The following B3GLCT variants were observed in gnomAD, a reference collection of about 807,000 sequenced individuals.
The protein encoded by B3GLCT is beta 3-glucosyltransferase.
A neutral mutation model predicts 63.4 loss-of-function variants in B3GLCT; 65 were observed. That is an observed-to-expected ratio of 1.03 (90% CI 0.84 to 1.26). B3GLCT has a LOEUF of 1.26. Ranked by LOEUF, B3GLCT falls within the 50% of genes most tolerant of loss-of-function variation. The probability of loss-of-function intolerance (pLI) is 0.00; values close to 1 mark genes in which losing one functional copy is unlikely to be tolerated. For synonymous variants in B3GLCT, 233 were observed against 219.2 expected (o/e 1.06, Z -0.55); for missense variants, 577 against 604.8 (o/e 0.95, Z 0.48).
chr13:31,227,490 C>T (rs1236393841), intron 3 of B3GLCT, among the ~76,000 whole-genome samples: 1 of 152,152 alleles, frequency 6.6e-6, no homozygotes, highest in Non-Finnish European at 1.5e-5. Context: ...AAGTCTTACC[C>T]ATGTGTCCAA....
intron 3 of B3GLCT, among the ~76,000 whole-genome samples, chr13:31,224,178 A>C (rs1869975089): frequency 6.6e-6 from 1 of 152,130 alleles, no homozygotes; most frequent in East Asian, 1.9e-4. Context: ...GCTGTATTTA[A>C]GGAACCACGT....
chr13:31,274,659 A>G (rs1566075773), intron 9 of B3GLCT, 31 bp downstream of exon 9: 2 of 1,613,274 alleles, frequency 1.2e-6, no homozygotes, highest in East Asian at 2.2e-5. Flanking sequence ...TTCTTTGCAT[A>G]TCAAAGGAAA....
At chr13:31,213,121 C>T (rs1023891537) in intron 1 of B3GLCT, among the ~76,000 whole-genome samples, 1 of 151,914 alleles carries the variant, frequency 6.6e-6, no homozygotes, top group African/African-American at 2.4e-5. Flanking sequence ...GGGCACTAAA[C>T]GTCTTTGTTC....
Position 31,269,245 on chromosome 13 carries a change from A to C in B3GLCT, c.628A>C (p.Lys210Gln). 1 of 1,610,616 alleles carries C rather than the reference A, an allele frequency of 6.2e-7. No individual in the cohort carries two copies. Among genetic ancestry groups the C allele is most frequent in the South Asian group, 1.1e-5 (1 of 90,980 alleles). ...CAAGAGACTAAAGAGTGAATCCTTG[A>C]AATCCGACTTTACAATAGATTTAAA... ...LTKRLKSESL[K>Q]SDFTIDLKHE... The change falls in exon 8 of 15, where the codon AAA (lysine) becomes CAA (glutamine). Residue 210 changes from lysine to glutamine, a missense_variant. By Grantham distance (53) the Lys-to-Gln change is moderately conservative. Transcript: ENST00000343307.
At chr13:31,275,723 C>T (rs561322356) in intron 9 of B3GLCT, among the ~76,000 whole-genome samples, 3 of 152,178 alleles carry the variant, frequency 2.0e-5, no homozygotes, top group Non-Finnish European at 2.9e-5. Flanking sequence ...CAGATATTGT[C>T]GTTATTCTCA....
chr13:31,308,347 T>TTAAA (rs1450252463), intron 12 of B3GLCT, among the ~76,000 whole-genome samples: 6 of 23,688 alleles, frequency 2.5e-4, no homozygotes, highest in East Asian at 1.5e-3. Flanking sequence ...AAAAAAAAAT[T>TTAAA]AAAAAAAAAA....
chr13:31,239,356 CTATT>C (rs1244414212), intron 4 of B3GLCT, among the ~76,000 whole-genome samples: 5 of 152,048 alleles, frequency 3.3e-5, no homozygotes, highest in African/African-American at 9.7e-5. Context: ...TCGAGACTGA[CTATT>C]TAAAGAGGTA....
intron 5 of B3GLCT, 49 bp downstream of exon 5, chr13:31,247,148 A>T: frequency 7.2e-7 from 1 of 1,384,602 alleles, no homozygotes; most frequent in Non-Finnish European, 1.0e-6. Context: ...CTACCTGAAC[A>T]CTTTTACGCC....
In B3GLCT at chr13:31,321,486, G is replaced by A. The variant is rs547891432; in HGVS notation, c.1185-2265G>A. 5.3e-5 allele frequency among the ~76,000 whole-genome samples: 8 copies of A among 152,332 alleles called. No homozygotes were observed. The East Asian group carries it at 1.5e-3, about 29-fold the overall frequency. ...TGGAAAATATCAGAGTGCATTCCAT[G>A]TCATAAGGGTAAGTATTGTTTGTGA... On this transcript the variant is annotated intron_variant, in intron 13 of 14. Coordinates refer to ENST00000343307, the MANE Select transcript of B3GLCT (RefSeq NM_194318.4).
At chr13:31,256,516 C>G (rs1871748477) in intron 6 of B3GLCT, among the ~76,000 whole-genome samples, 2 of 152,122 alleles carry the variant, frequency 1.3e-5, no homozygotes, top group African/African-American at 2.4e-5. Flanking sequence ...AGACTTGGAA[C>G]CAATCCAAAT....
intron 13 of B3GLCT, among the ~76,000 whole-genome samples, chr13:31,319,206 G>A (rs779841893): frequency 5.3e-5 from 8 of 152,142 alleles, no homozygotes; most frequent in Non-Finnish European, 8.8e-5. Flanking sequence ...AGACCACCAA[G>A]GTGGCACCTT....
intron 12 of B3GLCT, among the ~76,000 whole-genome samples, chr13:31,295,381 C>T (rs1873882276): frequency 6.6e-6 from 1 of 152,162 alleles, no homozygotes; most frequent in Non-Finnish European, 1.5e-5. Context: ...AGCCGGCAGG[C>T]ATGAACGTTT....
intron 4 of B3GLCT, among the ~76,000 whole-genome samples, chr13:31,240,390 TA>T (rs1300325237): frequency 5.3e-5 from 8 of 152,274 alleles, no homozygotes; most frequent in African/African-American, 1.7e-4. Context: ...CTTTACAAAT[TA>T]TTTTTTTTCT....
In B3GLCT at chr13:31,215,030, TTC is replaced by T; in HGVS notation, c.71-19_71-18del. On this transcript the variant is annotated intron_variant, in intron 1 of 14. Coordinates refer to ENST00000343307, the MANE Select transcript of B3GLCT (RefSeq NM_194318.4). ...ATTGCTAATTCTAAGGTAGAAATATTTCTTTTTTTTTTTTTTCCAGCTTTTGG... is the reference window on the plus strand; with the variant it reads ...ATTGCTAATTCTAAGGTAGAAATATTTTTTTTTTTTTTTTCCAGCTTTTGG... 6.8e-7 allele frequency: 1 copy of T among 1,470,584 alleles called. No homozygotes were observed. The highest frequency in any genetic ancestry group is 9.0e-7 in the Non-Finnish European group (1 of 1,114,004). 91.1% of individuals were successfully genotyped at this position (1,470,584 alleles called of 1,614,324 possible).
chr13:31,322,439 G>A (rs1404576856), intron 13 of B3GLCT, among the ~76,000 whole-genome samples: 1 of 152,206 alleles, frequency 6.6e-6, no homozygotes, highest in Non-Finnish European at 1.5e-5. Context: ...AAATAATCCT[G>A]TAGCCTTTCA....
In B3GLCT at chr13:31,200,111, G is replaced by A; in HGVS notation, c.27G>A (p.Leu9=). 2 of 1,376,192 alleles carry A rather than the reference G, an allele frequency of 1.5e-6. No homozygotes were observed. Among genetic ancestry groups the A allele is most frequent in the South Asian group, 1.4e-5 (1 of 71,320 alleles). The allele number at this position is 1,376,192 out of a possible 1,614,324, so 85.2% of individuals were successfully genotyped here. ...TGCGGCCGCCCGCCTGCTGGTGGCT[G>A]CTCGCGCCGCCGGCGCTGCTCGCGC... MRPPACWW[L]LAPPALLALL... is the part of the protein sequence containing the mutation. The change falls in exon 1 of 15, where the codon CTG becomes CTA. Residue 9 remains leucine, a synonymous_variant. Transcript: ENST00000343307.
chr13:31,238,440 ATAATT>A (rs1211855839), intron 4 of B3GLCT, among the ~76,000 whole-genome samples: 2 of 152,200 alleles, frequency 1.3e-5, no homozygotes, highest in African/African-American at 4.8e-5. Context: ...GCTGAGGTTG[ATAATT>A]TTATGTTCTT....
chr13:31,264,425 A>G (rs937032142), intron 7 of B3GLCT, among the ~76,000 whole-genome samples: 4 of 152,126 alleles, frequency 2.6e-5, no homozygotes, highest in African/African-American at 9.7e-5. Flanking sequence ...TAGAATGTGT[A>G]TAGTTCATTG....
At chr13:31,275,792 C>G (rs891077492) in intron 9 of B3GLCT, among the ~76,000 whole-genome samples, 5 of 152,108 alleles carry the variant, frequency 3.3e-5, no homozygotes, top group African/African-American at 7.2e-5. Flanking sequence ...TAGACACACA[C>G]ACACACGCAC....
Sources: gnomAD v4.1 joint callset for allele counts (sites outside exome capture counted in the v4.1 genomes callset) on GRCh38, gnomAD v4.1.1 for gene constraint, MANE v1.5 for transcripts, NCBI Gene and HGNC (gene_info 2026-07-23, HGNC 2026-07-21) for gene names.